Variants in ZMAT4 observed in about 807,000 individuals in gnomAD.
ZMAT4 encodes zinc finger matrin-type protein 4.
ZMAT4 carries 17 observed loss-of-function variants against 28.7 expected under a neutral mutation model. That is an observed-to-expected ratio of 0.59 (90% CI 0.41 to 0.89). ZMAT4 has a LOEUF of 0.89. ZMAT4 is among the 40% of genes least tolerant of loss of function. ZMAT4 has a pLI of 0.00. For synonymous variants in ZMAT4, 117 were observed against 109.2 expected (o/e 1.07, Z -0.44); for missense variants, 240 against 283.8 (o/e 0.85, Z 1.11).
At chr8:40,631,124 AGAGGTGG>A (rs1806562671) in intron 5 of ZMAT4, among the ~76,000 whole-genome samples, 2 of 152,058 alleles carry the variant, frequency 1.3e-5, no homozygotes, top group Non-Finnish European at 1.5e-5. Flanking sequence ...ATGGAATATG[AGAGGTGG>A]GAGGTGGGAA....
At chr8:40,608,931 T>A (rs1390525815) in intron 5 of ZMAT4, among the ~76,000 whole-genome samples, 1 of 152,204 alleles carries the variant, frequency 6.6e-6, no homozygotes, top group African/African-American at 2.4e-5. Flanking sequence ...TACAGCTGTC[T>A]CACAGTGGCA....
At chr8:40,703,634 GGT>G (rs1239347951) in intron 3 of ZMAT4, among the ~76,000 whole-genome samples, 1 of 152,088 alleles carries the variant, frequency 6.6e-6, no homozygotes. Flanking sequence ...ATTGCTAATG[GGT>G]AAAGAGTTTC....
intron 2 of ZMAT4, chr8:40,808,590 T>C (rs1815185451): frequency 2.2e-6 from 1 of 448,638 alleles, no homozygotes. Flanking sequence ...AAAAAAAAAG[T>C]GCTGAGCTTC....
chr8:40,750,680 A>G (rs1484523613), intron 3 of ZMAT4, among the ~76,000 whole-genome samples: 2 of 152,242 alleles, frequency 1.3e-5, no homozygotes, highest in African/African-American at 2.4e-5. Flanking sequence ...GATATACTGG[A>G]GAATCAGACA....
intron 2 of ZMAT4, among the ~76,000 whole-genome samples, chr8:40,769,786 G>T (rs1302681238): frequency 4.8e-5 from 7 of 145,116 alleles, no homozygotes; most frequent in Non-Finnish European, 7.6e-5. Flanking sequence ...GTTTGTGGCT[G>T]TTTTTTTTTT....
chr8:40,761,564 C>T (rs1426358463), intron 3 of ZMAT4, among the ~76,000 whole-genome samples: 1 of 152,204 alleles, frequency 6.6e-6, no homozygotes, highest in East Asian at 1.9e-4. Flanking sequence ...AGAGGCAGGG[C>T]CACACAAATT....
intron 3 of ZMAT4, among the ~76,000 whole-genome samples, chr8:40,766,062 C>A (rs1311602113): frequency 2.0e-5 from 3 of 152,064 alleles, no homozygotes; most frequent in Non-Finnish European, 2.9e-5. Context: ...AAATTGGTAT[C>A]CTCCTCCCTC....
Position 40,825,640 on chromosome 8 carries a change from C to T in ZMAT4, c.37G>A (p.Asp13Asn). ...GCACTGCACACCTTGCAGTAACTGT[C>T]TGTGAATAAATCCTGATCAATATCG... ...SSDIDQDLFT[D>N]SYCKVCSAQL... The change falls in exon 2 of 7, where the codon GAC becomes AAC. Residue 13 changes from aspartate to asparagine, a missense_variant. Physicochemically the swap from Asp to Asn is conservative, Grantham distance 23. Transcript: ENST00000297737. 6.4e-7 allele frequency: 1 copy of T among 1,555,582 alleles called. No individual in the cohort carries two copies. Among genetic ancestry groups the T allele is most frequent in the Non-Finnish European group, 8.7e-7 (1 of 1,148,478 alleles).
chr8:40,664,947 G>A (rs1808344861), intron 5 of ZMAT4, among the ~76,000 whole-genome samples: 1 of 152,230 alleles, frequency 6.6e-6, no homozygotes, highest in South Asian at 2.1e-4. Flanking sequence ...GATGTCCACT[G>A]CCTGAGATGT....
chr8:40,829,303 A>G (rs573912036), intron 1 of ZMAT4, among the ~76,000 whole-genome samples: 1 of 152,376 alleles, frequency 6.6e-6, no homozygotes, highest in African/African-American at 2.4e-5. Context: ...CAACCACTGG[A>G]GGATCTAAAT....
At chr8:40,554,374 A>G (rs1241584076) in intron 6 of ZMAT4, among the ~76,000 whole-genome samples, 1 of 152,148 alleles carries the variant, frequency 6.6e-6, no homozygotes. Flanking sequence ...TAATTAGTTA[A>G]TTAACTACTA....
At chr8:40,641,755 A>T (rs950352265) in intron 5 of ZMAT4, among the ~76,000 whole-genome samples, 1 of 152,146 alleles carries the variant, frequency 6.6e-6, no homozygotes, top group Non-Finnish European at 1.5e-5. Flanking sequence ...TATACAATAC[A>T]GTATTTTTAA....
intron 6 of ZMAT4, among the ~76,000 whole-genome samples, chr8:40,563,572 C>G (rs1470933556): frequency 1.3e-5 from 2 of 152,244 alleles, no homozygotes; most frequent in East Asian, 1.9e-4. Flanking sequence ...CTTCTTTGAG[C>G]ACTACTAGTA....
chr8:40,682,235 TA>T (rs1809202001), intron 4 of ZMAT4, among the ~76,000 whole-genome samples: 1 of 152,228 alleles, frequency 6.6e-6, no homozygotes, highest in Admixed American at 6.5e-5. Flanking sequence ...CTACAAAGTC[TA>T]AAAAACACTG....
At position 40,562,174 on chromosome 8, in the gene ZMAT4, G is replaced by A. The variant is rs901602607; in HGVS notation, c.674+18991C>T. Among the ~76,000 whole-genome samples, 4 of 152,176 alleles carry A rather than the reference G, an allele frequency of 2.6e-5. 1 individual carries two copies. The highest frequency in any genetic ancestry group is 2.0e-4 in the Admixed American group (3 of 15,274). ...TATCAGGTCTGCTTTCCAAGAACCTGTAGGACATTCCTGCTCAGGCAAAAC... is the reference window on the plus strand; with the variant it reads ...TATCAGGTCTGCTTTCCAAGAACCTATAGGACATTCCTGCTCAGGCAAAAC... On this transcript the variant is annotated intron_variant, in intron 6 of 6. Transcript: ENST00000297737.
At chr8:40,601,489 G>GAA (rs367852773) in intron 5 of ZMAT4, among the ~76,000 whole-genome samples, 1 of 96,140 alleles carries the variant, frequency 1.0e-5, no homozygotes, top group African/African-American at 4.1e-5. Context: ...AAGAAAGAAA[G>GAA]AAAGAGAGAA....
chr8:40,820,535 T>C (rs1815731180), intron 2 of ZMAT4, among the ~76,000 whole-genome samples: 1 of 151,252 alleles, frequency 6.6e-6, no homozygotes. Context: ...CATGTGTTTA[T>C]GTGTGCATTT....
At chr8:40,637,086 T>A (rs1458984925) in intron 5 of ZMAT4, among the ~76,000 whole-genome samples, 10 of 111,282 alleles carry the variant, frequency 9.0e-5, no homozygotes, top group African/African-American at 5.9e-5. Context: ...AATAATGAAA[T>A]AGATTTTAAA....
chr8:40,856,683 G>A (rs923852405), intron 1 of ZMAT4, among the ~76,000 whole-genome samples: 3 of 152,200 alleles, frequency 2.0e-5, no homozygotes, highest in African/African-American at 7.2e-5. Flanking sequence ...TATTTCCCCA[G>A]GTGACATTGG....
Sources: gnomAD v4.1 joint callset for allele counts (sites outside exome capture counted in the v4.1 genomes callset) on GRCh38, gnomAD v4.1.1 for gene constraint, MANE v1.5 for transcripts, NCBI Gene and HGNC (gene_info 2026-07-23, HGNC 2026-07-21) for gene names.